Variants in COL22A1 observed in about 807,000 individuals in gnomAD.
The protein encoded by COL22A1 is collagen alpha-1(XXII) chain.
In COL22A1, 221 loss-of-function variants were observed where a neutral mutation model predicts 248.9. The ratio of observed to expected loss-of-function variants is 0.89; its 90% CI spans 0.80 to 0.99. COL22A1 has a LOEUF of 0.99. COL22A1 is among the 50% of genes least tolerant of loss of function. The probability of loss-of-function intolerance (pLI) is 0.00; values close to 1 mark genes in which losing one functional copy is unlikely to be tolerated. For synonymous variants in COL22A1, 891 were observed against 793.4 expected (o/e 1.12, Z -2.07); for missense variants, 2,240 against 2,179.0 (o/e 1.03, Z -0.56).
chr8:138,884,385 G>A (rs1229604344), intron 1 of COL22A1, among the ~76,000 whole-genome samples: 4 of 152,184 alleles, frequency 2.6e-5, no homozygotes, highest in African/African-American at 9.6e-5. Flanking sequence ...TACCTATGAA[G>A]GAAAGAACTA....
intron 39 of COL22A1, among the ~76,000 whole-genome samples, chr8:138,680,246 G>A (rs1028615482): frequency 3.3e-5 from 5 of 152,168 alleles, no homozygotes; most frequent in African/African-American, 1.2e-4. Flanking sequence ...TGTAGACGGA[G>A]GATGATATTT....
chr8:138,792,839 T>A (rs895181032), intron 12 of COL22A1, among the ~76,000 whole-genome samples: 2 of 152,188 alleles, frequency 1.3e-5, no homozygotes, highest in Non-Finnish European at 2.9e-5. Flanking sequence ...AGAACAGTGA[T>A]TCAATCAGCT....
intron 11 of COL22A1, among the ~76,000 whole-genome samples, chr8:138,799,287 G>C (rs1165116642): frequency 1.3e-5 from 2 of 152,054 alleles, no homozygotes; most frequent in African/African-American, 2.4e-5. Flanking sequence ...TGCTTGGAAG[G>C]CTTTGTCTGT....
chr8:138,887,604 T>C (rs964761966), intron 1 of COL22A1, among the ~76,000 whole-genome samples: 2 of 152,358 alleles, frequency 1.3e-5, no homozygotes, highest in East Asian at 1.9e-4. Flanking sequence ...CCTAGAACTA[T>C]ACCTGTGGCA....
chr8:138,619,327 C>A, intron 53 of COL22A1, 128 bp downstream of exon 53: 1 of 729,342 alleles, frequency 1.4e-6, no homozygotes. Flanking sequence ...AGAAGCACAG[C>A]CGTCTGGAGG....
intron 12 of COL22A1, among the ~76,000 whole-genome samples, chr8:138,782,453 G>A (rs550250466): frequency 6.6e-6 from 1 of 152,330 alleles, no homozygotes; most frequent in African/African-American, 2.4e-5. Flanking sequence ...CCTGAGCTCA[G>A]GCAATCCACC....
chr8:138,842,104 T>C (rs1820926877), intron 4 of COL22A1, among the ~76,000 whole-genome samples: 1 of 152,190 alleles, frequency 6.6e-6, no homozygotes, highest in African/African-American at 2.4e-5. Context: ...CTTTGCTGAA[T>C]GGTGGTCTGA....
chr8:138,604,333 G>C (rs1818265760), intron 59 of COL22A1, among the ~76,000 whole-genome samples: 1 of 152,148 alleles, frequency 6.6e-6, no homozygotes, highest in African/African-American at 2.4e-5. Flanking sequence ...GGCAAGGCTG[G>C]ACAAAGGGAG....
intron 1 of COL22A1, among the ~76,000 whole-genome samples, chr8:138,900,320 G>T (rs1314691511): frequency 6.6e-6 from 1 of 152,176 alleles, no homozygotes; most frequent in African/African-American, 2.4e-5. Context: ...AAGAGCAATA[G>T]CATCTATCCG....
intron 11 of COL22A1, among the ~76,000 whole-genome samples, chr8:138,798,065 A>C (rs1378254971): frequency 1.3e-5 from 2 of 151,632 alleles, no homozygotes; most frequent in Non-Finnish European, 2.9e-5. Context: ...AAAAGATATA[A>C]CCTATCTGTG....
rs149466899 is a variant in COL22A1 at position 138,763,501 on chromosome 8, T to C, written c.1804-1035A>G. ...TTCCCCTAGCTGTGCCCTGGTTTTC[T>C]TGAGCCAACTCCCAGGTGCTGGTGT... On this transcript the variant is annotated intron_variant, in intron 16 of 64. Transcript: ENST00000303045. Among the ~76,000 whole-genome samples the C allele has an allele frequency of 1.7e-4, 26 of 152,328 alleles. No individual in the cohort carries two copies. In the East Asian group the frequency reaches 4.4e-3, roughly 26 times the overall value.
intron 1 of COL22A1, among the ~76,000 whole-genome samples, chr8:138,895,708 C>G (rs978986260): frequency 5.9e-5 from 9 of 152,056 alleles, no homozygotes; most frequent in African/African-American, 2.2e-4. Flanking sequence ...CATATCACAG[C>G]AATCCAGGGA....
intron 44 of COL22A1, among the ~76,000 whole-genome samples, chr8:138,657,009 G>A (rs1823325724): frequency 6.6e-6 from 1 of 152,192 alleles, no homozygotes; most frequent in Admixed American, 6.5e-5. Flanking sequence ...TTTGTTCAAG[G>A]TAACTGCTGC....
intron 22 of COL22A1, among the ~76,000 whole-genome samples, chr8:138,749,838 G>A (rs568579580): frequency 7.9e-5 from 12 of 152,174 alleles, no homozygotes; most frequent in African/African-American, 2.6e-4. Context: ...GACTGACAGG[G>A]AAACTGAGCC....
chr8:138,596,798 G>A, intron 62 of COL22A1, 106 bp downstream of exon 62: 2 of 1,011,296 alleles, frequency 2.0e-6, no homozygotes, highest in Non-Finnish European at 1.5e-6. Context: ...TGAGCTGCCG[G>A]TCAAGTGCTT....
intron 39 of COL22A1, among the ~76,000 whole-genome samples, chr8:138,684,138 C>T (rs1272389196): frequency 6.6e-6 from 1 of 151,906 alleles, no homozygotes; most frequent in African/African-American, 2.4e-5. Context: ...GTGGTGCATC[C>T]CTGTAGTCCC....
At chr8:138,816,650 T>C (rs547920113) in intron 7 of COL22A1, among the ~76,000 whole-genome samples, 1 of 152,166 alleles carries the variant, frequency 6.6e-6, no homozygotes, top group Non-Finnish European at 1.5e-5. Context: ...TGAACCTCAG[T>C]TTTTCTTTCT....
chr8:138,606,291 A>C lies in COL22A1; in HGVS notation c.4104+90T>G, dbSNP rs1818413009. The C allele has an allele frequency of 1.2e-5, 14 of 1,162,748 alleles. No individual in the cohort carries two copies. In the South Asian group the frequency reaches 1.9e-4, roughly 16 times the overall value. 72.0% of individuals were successfully genotyped at this position (1,162,748 alleles called of 1,614,324 possible). The stretch of plus-strand genomic sequence containing the variant: ...ATCATGGCCTGAGCAGACAGAACTG[A>C]GGACACAGGAGGTGGCAGGGAAGGT... On this transcript the variant is annotated intron_variant, in intron 58 of 64. Coordinates refer to ENST00000303045, the MANE Select transcript of COL22A1 (RefSeq NM_152888.3).
intron 16 of COL22A1, among the ~76,000 whole-genome samples, chr8:138,772,966 G>GT (rs1475655966): frequency 6.6e-6 from 1 of 152,230 alleles, no homozygotes; most frequent in Non-Finnish European, 1.5e-5. Flanking sequence ...AGTGCTGGGA[G>GT]GCGTCTCTGC....
Sources: gnomAD v4.1 joint callset for allele counts (sites outside exome capture counted in the v4.1 genomes callset) on GRCh38, gnomAD v4.1.1 for gene constraint, MANE v1.5 for transcripts, NCBI Gene and HGNC (gene_info 2026-07-23, HGNC 2026-07-21) for gene names.